SLC24A2: variants seen among roughly 807,000 people sequenced by gnomAD.
SLC24A2 encodes the protein solute carrier family 24 member 2, also known as sodium/potassium/calcium exchanger 2.
SLC24A2 carries 36 observed loss-of-function variants against 62.0 expected under a neutral mutation model. The observed-to-expected ratio is 0.58, with a 90% CI of 0.44 to 0.77. The LOEUF (loss-of-function observed/expected upper bound fraction) is 0.77, where lower values mean the gene tolerates loss of function less well. Ranked by LOEUF, SLC24A2 falls within the 30% of genes least tolerant of loss-of-function variation. The pLI is 0.00. For synonymous variants in SLC24A2, 358 were observed against 294.0 expected (o/e 1.22, Z -2.23); for missense variants, 846 against 817.9 (o/e 1.03, Z -0.42).
chr9:19,984,601 T>A, the SLC24A2 span, among the ~76,000 whole-genome samples: 17 of 152,012 alleles, frequency 1.1e-4, no homozygotes, highest in African/African-American at 4.1e-4. Context: ...AGCTGCTCAG[T>A]AGGCTGAGGC....
At chr9:19,640,499 G>A (rs1332201615) in intron 2 of SLC24A2, among the ~76,000 whole-genome samples, 1 of 152,196 alleles carries the variant, frequency 6.6e-6, no homozygotes, top group Non-Finnish European at 1.5e-5. Flanking sequence ...CGTTGATACG[G>A]GGTTGGCAGA....
intron 8 of SLC24A2, among the ~76,000 whole-genome samples, chr9:19,542,498 G>A (rs1834324032): frequency 6.6e-6 from 1 of 152,156 alleles, no homozygotes; most frequent in South Asian, 2.1e-4. Flanking sequence ...TGATGAGAGA[G>A]GGCATCCTTG....
At chr9:19,534,885 T>A (rs544598323) in intron 8 of SLC24A2, among the ~76,000 whole-genome samples, 3 of 152,282 alleles carry the variant, frequency 2.0e-5, no homozygotes, top group African/African-American at 7.2e-5. Context: ...GTAATGAGAT[T>A]GCTGGGTCAA....
chr9:20,122,082 A>G, the SLC24A2 span, among the ~76,000 whole-genome samples: 2 of 152,218 alleles, frequency 1.3e-5, no homozygotes, highest in Admixed American at 6.5e-5. Flanking sequence ...AAACGTTCCA[A>G]GCAAGACTGG....
At chr9:20,022,530 C>A in the SLC24A2 span, among the ~76,000 whole-genome samples, 75 of 152,268 alleles carry the variant, frequency 4.9e-4, 3 homozygotes, top group South Asian at 0.014. Context: ...GTACCCCCTC[C>A]CTGTTGCAAT....
At chr9:19,573,533 G>GAA (rs1563975977) in intron 6 of SLC24A2, 64 bp from the exon 7 acceptor site, 2 of 543,404 alleles carry the variant, frequency 3.7e-6, no homozygotes, top group Non-Finnish European at 6.2e-6. Context: ...CACACACAGA[G>GAA]AGAGAGAGAG....
the SLC24A2 span, among the ~76,000 whole-genome samples, chr9:20,231,486 C>A: frequency 6.6e-6 from 1 of 152,216 alleles, no homozygotes; most frequent in African/African-American, 2.4e-5. Flanking sequence ...ATTTTATTCT[C>A]TTTGAAGCAA....
At chr9:19,691,993 A>C (rs893873023) in intron 2 of SLC24A2, among the ~76,000 whole-genome samples, 1 of 152,162 alleles carries the variant, frequency 6.6e-6, no homozygotes. Context: ...AAAATGAGTA[A>C]AATGGTCAAA....
intron 2 of SLC24A2, among the ~76,000 whole-genome samples, chr9:19,623,222 C>A (rs553282488): frequency 1.3e-5 from 2 of 152,176 alleles, no homozygotes; most frequent in Non-Finnish European, 2.9e-5. Context: ...GTTCCTCATA[C>A]TTAGACAGCA....
intron 2 of SLC24A2, among the ~76,000 whole-genome samples, chr9:19,750,243 CTCTT>C (rs1564079304): frequency 6.6e-6 from 1 of 152,106 alleles, no homozygotes; most frequent in Non-Finnish European, 1.5e-5. Flanking sequence ...CCACTGCAAT[CTCTT>C]TCTGTCCTCC....
At chr9:20,011,169 C>A in the SLC24A2 span, among the ~76,000 whole-genome samples, 1 of 152,102 alleles carries the variant, frequency 6.6e-6, no homozygotes, top group Non-Finnish European at 1.5e-5. Context: ...GTTCTAGATC[C>A]TTGAGAAATT....
At chr9:20,034,842 T>G in the SLC24A2 span, among the ~76,000 whole-genome samples, 2 of 152,196 alleles carry the variant, frequency 1.3e-5, no homozygotes, top group Non-Finnish European at 2.9e-5. Flanking sequence ...TGTTGGTGAA[T>G]GTTCAATAGG....
chr9:20,175,017 T>TTATA, the SLC24A2 span, among the ~76,000 whole-genome samples: 1,053 of 147,752 alleles, frequency 7.1e-3, 6 homozygotes, highest in African/African-American at 0.016. Flanking sequence ...TCTGAATTTT[T>TTATA]TATATATATA....
At chr9:20,287,677 G>A in the SLC24A2 span, among the ~76,000 whole-genome samples, 1 of 152,202 alleles carries the variant, frequency 6.6e-6, no homozygotes, top group African/African-American at 2.4e-5. Context: ...GTTGAGCAAT[G>A]AGGGAAATCC....
chr9:19,699,427 C>A (rs1820291879), intron 2 of SLC24A2, among the ~76,000 whole-genome samples: 1 of 152,092 alleles, frequency 6.6e-6, no homozygotes, highest in Non-Finnish European at 1.5e-5. Context: ...GCATTATGTA[C>A]AGGCTTATAA....
intron 2 of SLC24A2, among the ~76,000 whole-genome samples, chr9:19,675,232 A>G (rs931523281): frequency 6.6e-6 from 1 of 152,142 alleles, no homozygotes; most frequent in African/African-American, 2.4e-5. Context: ...AGCTTTAGAT[A>G]CCAGCACCTG....
At chr9:20,287,329 G>A in the SLC24A2 span, among the ~76,000 whole-genome samples, 2 of 152,178 alleles carry the variant, frequency 1.3e-5, no homozygotes, top group African/African-American at 4.8e-5. Flanking sequence ...GGAGAGCAAA[G>A]GTGAACAGAC....
At chr9:20,217,371 T>A in the SLC24A2 span, among the ~76,000 whole-genome samples, 1 of 152,178 alleles carries the variant, frequency 6.6e-6, no homozygotes, top group Non-Finnish European at 1.5e-5. Context: ...GGTGTCCAGG[T>A]GATGTTCATC....
intron 5 of SLC24A2, among the ~76,000 whole-genome samples, chr9:19,586,639 T>C (rs1836379417): frequency 6.6e-6 from 1 of 152,066 alleles, no homozygotes; most frequent in Non-Finnish European, 1.5e-5. Flanking sequence ...GTAATTGGCA[T>C]TTTACAAACC....
Sources: allele counts gnomAD v4.1 joint callset (sites outside exome capture counted in the v4.1 genomes callset), GRCh38; gene constraint gnomAD v4.1.1; transcripts MANE v1.5; gene names NCBI Gene and HGNC (gene_info 2026-07-23, HGNC 2026-07-21).